Variants in PACRG observed in about 807,000 individuals in gnomAD.
PACRG encodes the protein parkin coregulated gene protein.
PACRG carries 29 observed loss-of-function variants against 29.7 expected under a neutral mutation model. The ratio of observed to expected loss-of-function variants is 0.98; its 90% confidence interval spans 0.73 to 1.33. PACRG has a LOEUF of 1.33. PACRG is among the 40% of genes most tolerant of loss of function. The probability of loss-of-function intolerance (pLI) is 0.00; values close to 1 mark genes in which losing one functional copy is unlikely to be tolerated. For synonymous variants in PACRG, 116 were observed against 118.7 expected, an observed-to-expected ratio of 0.98 and a Z score of 0.15; for missense variants, 279 against 316.2, an observed-to-expected ratio of 0.88 and a Z score of 0.89.
intron 4 of PACRG, chr6:163,185,030 C>T (rs1779852854): frequency 6.6e-6 from 1 of 152,054 alleles, no homozygotes; most frequent in Non-Finnish European, 1.5e-5. Flanking sequence ...AGGCTGAAGC[C>T]AGAACACCAA....
intron 2 of PACRG, among the ~76,000 whole-genome samples, chr6:163,019,256 A>G (rs1806384068): frequency 6.6e-6 from 1 of 152,102 alleles, no homozygotes; most frequent in African/African-American, 2.4e-5. Flanking sequence ...TTTAGAAGGG[A>G]GGATTGGTCA....
At chr6:163,230,470 A>C (rs1414139390) in intron 4 of PACRG, among the ~76,000 whole-genome samples, 1 of 151,824 alleles carries the variant, frequency 6.6e-6, no homozygotes, top group African/African-American at 2.4e-5. Flanking sequence ...CTCCTATTTT[A>C]AGTTCCAGGG....
chr6:163,224,749 A>G (rs1309241200), intron 4 of PACRG, among the ~76,000 whole-genome samples: 1 of 152,214 alleles, frequency 6.6e-6, no homozygotes, highest in Non-Finnish European at 1.5e-5. Context: ...AACATAGGGG[A>G]AAACTACGTG....
chr6:163,191,855 G>A, intron 4 of PACRG: 1 of 428,362 alleles, frequency 2.3e-6, no homozygotes, highest in Non-Finnish European at 4.7e-6. Flanking sequence ...CCCAATGAAA[G>A]CCACACCCCG....
chr6:162,963,451 A>G (rs1800791123), intron 2 of PACRG, among the ~76,000 whole-genome samples: 1 of 152,004 alleles, frequency 6.6e-6, no homozygotes, highest in African/African-American at 2.4e-5. Flanking sequence ...ATAATGACAT[A>G]GAATAAAACA....
chr6:162,891,205 G>C (rs923479915), intron 2 of PACRG, among the ~76,000 whole-genome samples: 6 of 152,200 alleles, frequency 3.9e-5, no homozygotes, highest in African/African-American at 1.2e-4. Context: ...TACATGGAAA[G>C]TTAGCAGCTA....
At chr6:162,921,276 G>A (rs533733447) in intron 2 of PACRG, among the ~76,000 whole-genome samples, 5 of 152,162 alleles carry the variant, frequency 3.3e-5, no homozygotes, top group Admixed American at 6.6e-5. Flanking sequence ...TAGAAGACCG[G>A]GGGGAGCAGT....
At chr6:162,939,053 TA>T (rs1014257343) in intron 2 of PACRG, among the ~76,000 whole-genome samples, 2 of 152,024 alleles carry the variant, frequency 1.3e-5, no homozygotes, top group Non-Finnish European at 2.9e-5. Context: ...GGTACTGGTA[TA>T]AAAATGGGCA....
chr6:162,794,264 G>C (rs1163401985), intron 1 of PACRG, among the ~76,000 whole-genome samples: 1 of 152,002 alleles, frequency 6.6e-6, no homozygotes, highest in African/African-American at 2.4e-5. Context: ...ATACTCTTCT[G>C]TTGTTACTAT....
intron 3 of PACRG, among the ~76,000 whole-genome samples, chr6:163,086,372 A>C (rs1269886307): frequency 1.3e-5 from 2 of 152,196 alleles, no homozygotes. Flanking sequence ...CTTAAGCTAA[A>C]TGATAGCATT....
chr6:162,999,487 C>T (rs1804389487), intron 2 of PACRG, among the ~76,000 whole-genome samples: 1 of 152,170 alleles, frequency 6.6e-6, no homozygotes, highest in Non-Finnish European at 1.5e-5. Context: ...AAGCTCAATA[C>T]AAGATTGGAT....
intron 2 of PACRG, among the ~76,000 whole-genome samples, chr6:162,890,068 C>G (rs1339264759): frequency 1.3e-5 from 2 of 152,224 alleles, no homozygotes; most frequent in Non-Finnish European, 2.9e-5. Context: ...TTATTAAGAA[C>G]TCAGGCCAGT....
At chr6:162,851,770 T>C (rs960374879) in intron 2 of PACRG, among the ~76,000 whole-genome samples, 1 of 152,092 alleles carries the variant, frequency 6.6e-6, no homozygotes, top group Non-Finnish European at 1.5e-5. Flanking sequence ...GTAAATTAAT[T>C]TAAACATTAA....
At chr6:163,157,576 T>C (rs1158361151) in intron 4 of PACRG, among the ~76,000 whole-genome samples, 1 of 152,194 alleles carries the variant, frequency 6.6e-6, no homozygotes, top group East Asian at 1.9e-4. Context: ...TGAACGCACA[T>C]TAGGCTGCAG....
chr6:163,249,566 C>T (rs1358309693), intron 4 of PACRG, among the ~76,000 whole-genome samples: 5 of 152,196 alleles, frequency 3.3e-5, no homozygotes, highest in Admixed American at 6.5e-5. Flanking sequence ...AGCCAACTCT[C>T]TCGCCTCCTG....
chr6:163,125,256 A>G (rs1816469530), intron 4 of PACRG, among the ~76,000 whole-genome samples: 1 of 152,178 alleles, frequency 6.6e-6, no homozygotes, highest in African/African-American at 2.4e-5. Flanking sequence ...ACTTTTAAGG[A>G]TGTTTAAAGA....
chr6:163,023,356 T>C (rs1001614440), intron 2 of PACRG, among the ~76,000 whole-genome samples: 4 of 152,166 alleles, frequency 2.6e-5, no homozygotes, highest in African/African-American at 9.7e-5. Flanking sequence ...TTAATTTGCT[T>C]AGGATAATGA....
intron 4 of PACRG, among the ~76,000 whole-genome samples, chr6:163,226,507 G>A (rs577648114): frequency 7.2e-5 from 11 of 152,296 alleles, no homozygotes; most frequent in Admixed American, 2.6e-4. Context: ...CCTTAATAAC[G>A]CTGGAGGTGG....
chr6:163,313,904 G>C (rs1247697995), intron 4 of PACRG: 2 of 152,114 alleles, frequency 1.3e-5, no homozygotes, highest in African/African-American at 4.8e-5. Context: ...AACAATTGTG[G>C]AATATCTACA....
Sources: allele counts gnomAD v4.1 joint callset (sites outside exome capture counted in the v4.1 genomes callset), GRCh38; gene constraint gnomAD v4.1.1; transcripts MANE v1.5; gene names NCBI Gene and HGNC (gene_info 2026-07-23, HGNC 2026-07-21).